Variants in UTP18 observed in about 807,000 individuals in gnomAD.
UTP18 encodes the protein UTP18 small subunit processome component, also known as U3 small nucleolar RNA-associated protein 18 homolog.
Under a neutral mutation model 61.1 loss-of-function variants are expected in UTP18, and 36 were observed. That is an observed-to-expected ratio of 0.59 (90% confidence interval 0.45 to 0.78). The LOEUF (loss-of-function observed/expected upper bound fraction) is 0.78, where lower values mean the gene tolerates loss of function less well. UTP18 is among the 30% of genes least tolerant of loss of function. The pLI is 0.00. For missense variants in UTP18, 753 were observed against 693.9 expected (o/e 1.09, Z -0.96); for synonymous variants, 282 against 251.1 (o/e 1.12, Z -1.16).
chr17:51,292,217 G>A (rs1363334425), intron 11 of UTP18, among the ~76,000 whole-genome samples: 1 of 152,154 alleles, frequency 6.6e-6, no homozygotes, highest in African/African-American at 2.4e-5. Flanking sequence ...ATACTTAAAA[G>A]TAATTTCTCG....
Position 51,273,394 on chromosome 17 carries a change from C to G in UTP18, c.655C>G (p.Gln219Glu). 1.2e-6 allele frequency: 2 copies of G among 1,610,782 alleles called. 1 individual carries two copies. The highest frequency in any genetic ancestry group is 2.2e-5 in the South Asian group (2 of 90,666). Residue 219 changes from glutamine to glutamate, a missense_variant, in exon 5 of 14, where the codon CAA becomes GAA. Gln to Glu is a conservative substitution (Grantham distance 29). Coordinates refer to ENST00000225298, the MANE Select transcript of UTP18 (RefSeq NM_016001.3). ...TGAAGAGGATGAAGATGATTTGTTG[C>G]AAAGGACTGGGAATTTCATATCCAC... ...ESEEDEDDLLQRTGNFISTST... is the reference protein window; with the variant it reads ...ESEEDEDDLLERTGNFISTST...
Position 51,260,880 on chromosome 17 carries a change from T to A in UTP18, c.296T>A (p.Val99Asp), listed in dbSNP as rs767654333. ...RCLEELVFGD[V>D]ENDEDALLRR... ...TTGGAGGAGCTGGTCTTCGGCGACG[T>A]CGAGAACGACGAGGACGCGTTGCTG... Residue 99 changes from valine (V) to aspartate (D), a missense_variant, in exon 1 of 14, where the codon GTC becomes GAC. Coordinates refer to ENST00000225298, the MANE Select transcript of UTP18 (RefSeq NM_016001.3). The A allele has an allele frequency of 6.2e-7, 1 of 1,600,598 alleles. No individual in the cohort carries two copies. Among genetic ancestry groups the A allele is most frequent in the Admixed American group, 1.7e-5 (1 of 58,770 alleles).
chr17:51,264,578 TA>T (rs2055540511), intron 2 of UTP18, among the ~76,000 whole-genome samples: 1 of 144,606 alleles, frequency 6.9e-6, no homozygotes, highest in Non-Finnish European at 1.5e-5. Flanking sequence ...AGTCCATTCT[TA>T]GACACAATGG....
rs769541287 is a variant in UTP18, at chr17:51,260,780, G to T, written c.196G>T (p.Ala66Ser). ...AAAAAIAVAA[A>S]EEERRLRQRN... ...GGCCGCTGCGATTGCAGTCGCGGCG[G>T]CGGAGGAAGAGAGACGGCTCCGGCA... The change falls in exon 1 of 14, where the codon GCG becomes TCG. Residue 66 changes from alanine (A) to serine (S), a missense_variant. Transcript: ENST00000225298. 1.1e-5 allele frequency: 18 copies of T among 1,578,872 alleles called. No individual in the cohort carries two copies. The highest frequency in any genetic ancestry group is 1.4e-5 in the Non-Finnish European group (16 of 1,163,776).
Position 51,260,748 on chromosome 17 carries a change from G to GCGCGGCGGCCGCTGCGATTGCAGT in UTP18, c.174_197dup (p.Ala59_Ala66dup). 16 of 1,584,344 alleles carry GCGCGGCGGCCGCTGCGATTGCAGT rather than the reference G, an allele frequency of 1.0e-5. No individual in the cohort carries two copies. Among genetic ancestry groups the GCGCGGCGGCCGCTGCGATTGCAGT allele is most frequent in the South Asian group, 2.3e-5 (2 of 88,324 alleles). ...CAGCGGAAACCGCCGGCCCGGCCGA[G>GCGCGGCGGCCGCTGCGATTGCAGT]CGCGGCGGCCGCTGCGATTGCAGTC... On this transcript the variant is annotated inframe_insertion, in exon 1 of 14. Coordinates refer to ENST00000225298, the MANE Select transcript of UTP18 (RefSeq NM_016001.3).
chr17:51,296,757 G>A (rs1337983483), intron 12 of UTP18: 4 of 495,244 alleles, frequency 8.1e-6, no homozygotes, highest in South Asian at 3.0e-5. Context: ...AAACTTTGGA[G>A]TAAGCCTACT....
rs1905161421 is a variant in UTP18, at chr17:51,288,168, A to G, written c.1468A>G (p.Ile490Val). ...TFNPTTEILA[I>V]ASEKMKEAVR... is the part of the protein sequence containing the mutation. The stretch of plus-strand genomic sequence containing the variant: ...CAATCCTACTACAGAAATCTTGGCA[A>G]TTGCTTCAGAAAAAATGAAAGAAGC... The change falls in exon 11 of 14, where the codon ATT becomes GTT. Residue 490 changes from isoleucine to valine, a missense_variant. Physicochemically the swap from Ile to Val is conservative, Grantham distance 29. Coordinates refer to ENST00000225298, the MANE Select transcript of UTP18 (RefSeq NM_016001.3). 5 of 1,596,480 alleles carry G rather than the reference A, an allele frequency of 3.1e-6. No individual in the cohort carries two copies. Among genetic ancestry groups the G allele is most frequent in the South Asian group, 2.3e-5 (2 of 86,514 alleles).
chr17:51,268,007 G>GTTTTTTTTTTTTTTTT lies in UTP18; in HGVS notation c.555-824_555-823insTTTTTTTTTTTTTTTT, dbSNP rs766635231. Among the ~76,000 whole-genome samples, 9 of 130,602 alleles carry GTTTTTTTTTTTTTTTT rather than the reference G, an allele frequency of 6.9e-5. 1 individual carries two copies. Among genetic ancestry groups the GTTTTTTTTTTTTTTTT allele is most frequent in the Non-Finnish European group, 8.1e-5 (5 of 61,956 alleles). The allele number at this position is 130,602 out of a possible 152,430, so 85.7% of individuals were successfully genotyped here. ...ACCAGTTGTTGTTTTTTTGTTTTTT[G>GTTTTTTTTTTTTTTTT]TTTTTTGTTTTTTTTTTTTTGAGAT... On this transcript the variant is annotated intron_variant, in intron 3 of 13. Transcript: ENST00000225298.
chr17:51,280,346 G>A (rs755047344), intron 8 of UTP18, 43 bp from the exon 9 acceptor site: 2 of 1,593,328 alleles, frequency 1.3e-6, no homozygotes, highest in East Asian at 2.3e-5. Context: ...TGATTCTTCT[G>A]TATACTTTCT....
In UTP18 at chr17:51,260,932, G is replaced by C. The variant is rs1011203989; in HGVS notation, c.342+6G>C. On this transcript the variant is annotated splice_donor_region_variant and intron_variant, in intron 1 of 13. Coordinates refer to ENST00000225298, the MANE Select transcript of UTP18 (RefSeq NM_016001.3). ...GGCGTCTGCGAGGCCCGAGGGTGAGGGAGGCCGCGGCGCGCGGGCTGGGCG... is the reference window on the plus strand; with the variant it reads ...GGCGTCTGCGAGGCCCGAGGGTGAGCGAGGCCGCGGCGCGCGGGCTGGGCG... 1.3e-6 allele frequency: 2 copies of C among 1,541,742 alleles called. No homozygotes were observed. The highest frequency in any genetic ancestry group is 1.7e-6 in the Non-Finnish European group (2 of 1,148,344).
In UTP18 at chr17:51,260,596, G is replaced by C. The variant is rs762560099; in HGVS notation, c.12G>C (p.Glu4Asp). 1 of 1,612,446 alleles carries C rather than the reference G, an allele frequency of 6.2e-7. No homozygotes were observed. Among genetic ancestry groups the C allele is most frequent in the Non-Finnish European group, 8.5e-7 (1 of 1,179,612 alleles). MPPERRRRMKLDRR... is the reference protein window; with the variant it reads MPPDRRRRMKLDRR... ...CCTCAAACCTAACGATGCCGCCGGA[G>C]CGGAGGAGACGAATGAAACTGGACC... Residue 4 changes from glutamate (E) to aspartate (D), a missense_variant, in exon 1 of 14, where the codon GAG becomes GAC. Coordinates refer to ENST00000225298, the MANE Select transcript of UTP18 (RefSeq NM_016001.3).
chr17:51,295,528 C>T (rs1905346211), intron 12 of UTP18, among the ~76,000 whole-genome samples: 1 of 152,172 alleles, frequency 6.6e-6, no homozygotes, highest in African/African-American at 2.4e-5. Flanking sequence ...AGCATTATTT[C>T]TGAGGCCTCT....
intron 10 of UTP18, 122 bp downstream of exon 10, chr17:51,285,490 T>C: frequency 8.0e-7 from 1 of 1,244,972 alleles, no homozygotes; most frequent in Non-Finnish European, 1.1e-6. Flanking sequence ...TAATATGAAA[T>C]TGGTCAACCC....
chr17:51,266,845 A>G (rs2055566575), intron 3 of UTP18, among the ~76,000 whole-genome samples: 1 of 151,920 alleles, frequency 6.6e-6, no homozygotes, highest in African/African-American at 2.4e-5. Context: ...TTTTATTTGG[A>G]TTTTATGTCC....
intron 2 of UTP18, among the ~76,000 whole-genome samples, chr17:51,265,540 G>T (rs2055551928): frequency 6.7e-6 from 1 of 149,266 alleles, no homozygotes; most frequent in East Asian, 2.0e-4. Flanking sequence ...TGGGATTGCA[G>T]GCATGAGCCA....
intron 11 of UTP18, among the ~76,000 whole-genome samples, chr17:51,288,907 A>G (rs141301868): frequency 2.6e-5 from 4 of 152,330 alleles, no homozygotes; most frequent in Non-Finnish European, 5.9e-5. Context: ...AGTTGTAACA[A>G]CATGTGTTAA....
intron 9 of UTP18, among the ~76,000 whole-genome samples, chr17:51,284,015 ACTG>A (rs1905033170): frequency 6.6e-6 from 1 of 152,184 alleles, no homozygotes; most frequent in Admixed American, 6.5e-5. Context: ...ATTTTAGTCT[ACTG>A]AGAGACTAAT....
chr17:51,261,314 G>A (rs2055471964), intron 1 of UTP18, among the ~76,000 whole-genome samples: 1 of 152,178 alleles, frequency 6.6e-6, no homozygotes, highest in Non-Finnish European at 1.5e-5. Context: ...GAATCAATTC[G>A]TGGGCACGGG....
At chr17:51,292,714 A>G (rs987474792) in intron 11 of UTP18, among the ~76,000 whole-genome samples, 6 of 152,228 alleles carry the variant, frequency 3.9e-5, no homozygotes, top group Non-Finnish European at 5.9e-5. Context: ...GCCTAAAGGT[A>G]ACTGCTTCCA....
Sources: allele counts gnomAD v4.1 joint callset (sites outside exome capture counted in the v4.1 genomes callset), GRCh38; gene constraint gnomAD v4.1.1; transcripts MANE v1.5; gene names NCBI Gene and HGNC (gene_info 2026-07-23, HGNC 2026-07-21).